Variants in CACNA2D4 observed in about 807,000 individuals in gnomAD.
CACNA2D4 encodes the protein calcium voltage-gated channel auxiliary subunit alpha2delta 4, also known as voltage-dependent calcium channel subunit alpha-2/delta-4.
In CACNA2D4, 157 loss-of-function variants were observed where a neutral mutation model predicts 163.8. The ratio of observed to expected loss-of-function variants is 0.96; its 90% confidence interval spans 0.84 to 1.09. The LOEUF (loss-of-function observed/expected upper bound fraction) is 1.09, where lower values mean the gene tolerates loss of function less well. Among genes scored for constraint, CACNA2D4 ranks in the 50% least tolerant of loss-of-function variants. CACNA2D4 has a pLI of 0.00. For synonymous variants in CACNA2D4, 598 were observed against 586.9 expected, an observed-to-expected ratio of 1.02 and a Z score of -0.27; for missense variants, 1,410 against 1,479.9, an observed-to-expected ratio of 0.95 and a Z score of 0.78.
At chr12:1,853,820 C>T in intron 23 of CACNA2D4, 131 bp downstream of exon 23, 1 of 656,926 alleles carries the variant, frequency 1.5e-6, no homozygotes, top group Non-Finnish European at 2.7e-6. Flanking sequence ...AGGGGGACCT[C>T]CACTTAATCT....
chr12:1,801,196 A>G lies in CACNA2D4; in HGVS notation c.2793-78T>C, dbSNP rs1592649991. 1.2e-5 allele frequency: 14 copies of G among 1,215,888 alleles called. No individual in the cohort carries two copies. The East Asian group carries it at 2.3e-4, about 20-fold the overall frequency. 75.3% of individuals were successfully genotyped at this position (1,215,888 alleles called of 1,614,324 possible). On this transcript the variant is annotated intron_variant, in intron 30 of 37. Coordinates refer to ENST00000382722, the MANE Select transcript of CACNA2D4 (RefSeq NM_172364.5). The stretch of plus-strand genomic sequence containing the variant: ...CCCTGCCTCAGGAGGCTTTACTAGC[A>G]GAGCATCCGTTTACCGCAATTCCCA...
chr12:1,819,255 G>A (rs1345038974), intron 26 of CACNA2D4, among the ~76,000 whole-genome samples: 4 of 152,126 alleles, frequency 2.6e-5, no homozygotes, highest in African/African-American at 9.7e-5. Flanking sequence ...ATGGGGAGGT[G>A]GGAGCCTCTT....
At chr12:1,796,178 G>A (rs1863120034) in intron 35 of CACNA2D4, among the ~76,000 whole-genome samples, 1 of 152,220 alleles carries the variant, frequency 6.6e-6, no homozygotes, top group Non-Finnish European at 1.5e-5. Flanking sequence ...GGCAGCGCTG[G>A]AGCTTGGCCA....
At chr12:1,796,034 C>A in intron 35 of CACNA2D4, 1 of 536,562 alleles carries the variant, frequency 1.9e-6, no homozygotes. Flanking sequence ...CAAACTGGGC[C>A]GCTTTGGAGA....
At chr12:1,800,587 G>T (rs1475869560) in intron 31 of CACNA2D4, 149 bp from the exon 32 acceptor site, 5 of 733,442 alleles carry the variant, frequency 6.8e-6, no homozygotes, top group Admixed American at 4.6e-5. Context: ...CAGCAGCCCA[G>T]CACCCCCCAT....
At chr12:1,904,601 C>T (rs1477369505) in intron 6 of CACNA2D4, among the ~76,000 whole-genome samples, 1 of 151,800 alleles carries the variant, frequency 6.6e-6, no homozygotes, top group Non-Finnish European at 1.5e-5. Context: ...CATCAACAAC[C>T]AAAGTGGGTA....
intron 26 of CACNA2D4, among the ~76,000 whole-genome samples, chr12:1,827,180 C>T (rs1864371823): frequency 6.6e-6 from 1 of 152,230 alleles, no homozygotes; most frequent in African/African-American, 2.4e-5. Flanking sequence ...ATGCCAGTCC[C>T]CTGTCCCCCT....
At chr12:1,796,030 G>A in intron 35 of CACNA2D4, 1 of 543,136 alleles carries the variant, frequency 1.8e-6, no homozygotes, top group Non-Finnish European at 3.3e-6. Context: ...AGTCCAAACT[G>A]GGCCGCTTTG....
chr12:1,866,336 C>G (rs1237224891), intron 18 of CACNA2D4, among the ~76,000 whole-genome samples: 3 of 152,178 alleles, frequency 2.0e-5, no homozygotes, highest in Non-Finnish European at 4.4e-5. Context: ...CTGCTATGTG[C>G]TATTGTTGCC....
intron 23 of CACNA2D4, among the ~76,000 whole-genome samples, chr12:1,849,497 G>C (rs991659183): frequency 6.6e-6 from 1 of 152,156 alleles, no homozygotes; most frequent in Non-Finnish European, 1.5e-5. Context: ...CCGTATGTTC[G>C]ATTATTTAAT....
At position 1,828,173 on chromosome 12, in the gene CACNA2D4, G is replaced by A; in HGVS notation, c.2551+12566C>T. 1.9e-6 allele frequency: 3 copies of A among 1,546,670 alleles called. No individual in the cohort carries two copies. Among genetic ancestry groups the A allele is most frequent in the Admixed American group, 2.0e-5 (1 of 50,646 alleles). ...CATGCTGGCGCCGGGCAGCAGCCCT[G>A]GGCAGAGGGGCAGGCTCGCCCTGCA... On this transcript the variant is annotated intron_variant, in intron 26 of 37. Transcript: ENST00000382722. The surrounding 1 kb of genome is among the most constrained non-coding windows in gnomAD (Gnocchi z 4.2).
rs193302273 is a variant in CACNA2D4, at chr12:1,814,052, C to T, written c.2552-2329G>A. ...GAAAGAGGATCATCAGAGCGAATCACGCTACTGCTCAGAATGACCAGCTCT... is the reference window on the plus strand; with the variant it reads ...GAAAGAGGATCATCAGAGCGAATCATGCTACTGCTCAGAATGACCAGCTCT... On this transcript the variant is annotated intron_variant, in intron 26 of 37. Coordinates refer to ENST00000382722, the MANE Select transcript of CACNA2D4 (RefSeq NM_172364.5). 5.5e-4 allele frequency among the ~76,000 whole-genome samples: 84 copies of T among 152,310 alleles called. 1 individual carries two copies. The highest frequency in any genetic ancestry group is 5.8e-4 in the East Asian group (3 of 5,182).
At chr12:1,902,381 G>A (rs1434102281) in intron 6 of CACNA2D4, among the ~76,000 whole-genome samples, 1 of 150,912 alleles carries the variant, frequency 6.6e-6, no homozygotes, top group Admixed American at 6.6e-5. Flanking sequence ...TCAGACAGGA[G>A]AAAAAAATTA....
intron 6 of CACNA2D4, among the ~76,000 whole-genome samples, chr12:1,906,128 T>G (rs1866653718): frequency 6.6e-6 from 1 of 152,028 alleles, no homozygotes; most frequent in East Asian, 1.9e-4. Context: ...TATATCCACA[T>G]GAAAAAACGG....
intron 6 of CACNA2D4, among the ~76,000 whole-genome samples, chr12:1,900,839 A>G (rs1866520027): frequency 6.6e-6 from 1 of 152,324 alleles, no homozygotes; most frequent in South Asian, 2.1e-4. Context: ...AATCTGCACT[A>G]CGGGCCAAAT....
chr12:1,800,750 C>G (rs931465987), intron 31 of CACNA2D4: 1 of 591,218 alleles, frequency 1.7e-6, no homozygotes, highest in Non-Finnish European at 3.0e-6. Context: ...GGTGATCAAG[C>G]GGCAGTGTCA....
chr12:1,882,642 T>A (rs186391370), intron 13 of CACNA2D4, among the ~76,000 whole-genome samples: 1 of 152,068 alleles, frequency 6.6e-6, no homozygotes, highest in Non-Finnish European at 1.5e-5. Flanking sequence ...GCAGGTCTGC[T>A]GGGGGTCTAA....
chr12:1,804,119 TACTGTGTGTG>T (rs1863432973), intron 29 of CACNA2D4, among the ~76,000 whole-genome samples: 1 of 132,428 alleles, frequency 7.6e-6, no homozygotes, highest in East Asian at 2.2e-4. Context: ...CTATTCTAGT[TACTGTGTGTG>T]TGTGTGTGTG....
At chr12:1,909,777 G>T in intron 4 of CACNA2D4, 129 bp downstream of exon 4, 1 of 731,158 alleles carries the variant, frequency 1.4e-6, no homozygotes, top group Non-Finnish European at 2.4e-6. Context: ...GTGCCTGTGA[G>T]GGGTGAGCAG....
Sources: gnomAD v4.1 joint callset for allele counts (sites outside exome capture counted in the v4.1 genomes callset) on GRCh38, gnomAD v4.1.1 for gene constraint, Gnocchi (gnomAD v3.1) non-coding constraint, MANE v1.5 for transcripts, NCBI Gene and HGNC (gene_info 2026-07-23, HGNC 2026-07-21) for gene names.